The following TBC1D15 variants were observed in gnomAD, a reference collection of about 807,000 sequenced individuals.
TBC1D15 encodes the protein TBC1 domain family member 15, also known as GAP for RAB7.
Under a neutral mutation model 95.4 loss-of-function variants are expected in TBC1D15, and 39 were observed. The ratio of observed to expected loss-of-function variants is 0.41; its 90% CI spans 0.32 to 0.53. TBC1D15 has a LOEUF of 0.53. Ranked by LOEUF, TBC1D15 falls within the 20% of genes least tolerant of loss-of-function variation. The probability of loss-of-function intolerance (pLI) is 0.29; values close to 1 mark genes in which losing one functional copy is unlikely to be tolerated. For missense variants in TBC1D15, 733 were observed against 794.3 expected, an observed-to-expected ratio of 0.92 and a Z score of 0.93; for synonymous variants, 258 against 261.3, an observed-to-expected ratio of 0.99 and a Z score of 0.12.
At chr12:71,860,938 C>CT (rs1203794341) in intron 1 of TBC1D15, among the ~76,000 whole-genome samples, 1 of 152,036 alleles carries the variant, frequency 6.6e-6, no homozygotes, top group Non-Finnish European at 1.5e-5. Flanking sequence ...TTATAAAATG[C>CT]TTTTTTTCCT....
intron 1 of TBC1D15, among the ~76,000 whole-genome samples, chr12:71,853,532 T>C (rs1341510776): frequency 1.3e-5 from 2 of 152,206 alleles, no homozygotes; most frequent in Non-Finnish European, 2.9e-5. Flanking sequence ...TCACTACTAT[T>C]TGTGTTGTTT....
chr12:71,845,766 A>G (rs79888070), intron 1 of TBC1D15, among the ~76,000 whole-genome samples: 2,267 of 152,310 alleles, frequency 0.015, 58 homozygotes, highest in African/African-American at 0.052. Context: ...CATGTTGTGT[A>G]TGATAGGTGA....
At chr12:71,849,174 A>C (rs575276954) in intron 1 of TBC1D15, 121 of 282,836 alleles carry the variant, frequency 4.3e-4, no homozygotes, top group African/African-American at 1.7e-3. Flanking sequence ...AAAAAAAAAA[A>C]AAAACAAAAA....
intron 1 of TBC1D15, among the ~76,000 whole-genome samples, chr12:71,864,301 C>T (rs1440064541): frequency 1.3e-5 from 2 of 152,040 alleles, no homozygotes; most frequent in African/African-American, 2.4e-5. Context: ...ATCTCTTGAC[C>T]TCATGATCTG....
At chr12:71,870,874 A>G (rs1442316759) in intron 1 of TBC1D15, among the ~76,000 whole-genome samples, 1 of 152,176 alleles carries the variant, frequency 6.6e-6, no homozygotes, top group Non-Finnish European at 1.5e-5. Flanking sequence ...ATACATACCT[A>G]TTTACATTTA....
chr12:71,895,924 T>C (rs1404288601), intron 7 of TBC1D15, 23 bp from the exon 8 acceptor site: 4 of 1,607,332 alleles, frequency 2.5e-6, no homozygotes, highest in Non-Finnish European at 8.5e-7. Flanking sequence ...TATGTACTTA[T>C]TATTGCTTAA....
At chr12:71,909,632 A>C (rs1458894745) in intron 11 of TBC1D15, among the ~76,000 whole-genome samples, 1 of 152,180 alleles carries the variant, frequency 6.6e-6, no homozygotes, top group Non-Finnish European at 1.5e-5. Flanking sequence ...TCTAAAGGAT[A>C]AGCTTCAGTA....
chr12:71,902,355 G>C (rs1489822432), intron 10 of TBC1D15, among the ~76,000 whole-genome samples: 2 of 152,258 alleles, frequency 1.3e-5, no homozygotes, highest in Middle Eastern at 3.4e-3. Context: ...AACTAAAACA[G>C]CATAGTCCTG....
At position 71,920,891 on chromosome 12, in the gene TBC1D15, AT is replaced by A. The variant is rs1869028481; in HGVS notation, c.1716+47del. 5.7e-6 allele frequency: 8 copies of A among 1,406,220 alleles called. No homozygotes were observed. The East Asian group carries it at 1.8e-4, about 32-fold the overall frequency. The allele number at this position is 1,406,220 out of a possible 1,614,324, so 87.1% of individuals were successfully genotyped here. ...CAGATTTTAGTGTTCTGGCTTTTCTATTTGGTGGTCCTGATATACAGAACGT... is the reference window on the plus strand; with the variant it reads ...CAGATTTTAGTGTTCTGGCTTTTCTATTGGTGGTCCTGATATACAGAACGT... On this transcript the variant is annotated intron_variant, in intron 15 of 16. Coordinates refer to ENST00000485960, the MANE Select transcript of TBC1D15 (RefSeq NM_001146213.3).
chr12:71,878,411 C>CAGAG (rs148681015), intron 3 of TBC1D15, among the ~76,000 whole-genome samples: 16 of 148,742 alleles, frequency 1.1e-4, no homozygotes, highest in African/African-American at 3.2e-4. Flanking sequence ...AAGTAGAAGT[C>CAGAG]AGAGAGAGAG....
intron 1 of TBC1D15, among the ~76,000 whole-genome samples, chr12:71,865,317 A>C (rs1329695824): frequency 6.6e-6 from 1 of 152,082 alleles, no homozygotes; most frequent in African/African-American, 2.4e-5. Flanking sequence ...GATTCTCTTA[A>C]CTGGAGGGCA....
rs375369151 is a variant in TBC1D15 at position 71,872,970 on chromosome 12, A to G, written c.171A>G (p.Ala57=). ...VIVDWRPLDD[A]LDSSSILYAR... ...TGGACTGGAGACCATTGGATGATGC[A>G]TTAGATTCCTCTAGTATTCTCTATG... The change falls in exon 3 of 17, where the codon GCA becomes GCG. Residue 57 remains alanine, a synonymous_variant. Coordinates refer to ENST00000485960, the MANE Select transcript of TBC1D15 (RefSeq NM_001146213.3). 5.5e-5 allele frequency: 89 copies of G among 1,610,144 alleles called. No homozygotes were observed. Among genetic ancestry groups the G allele is most frequent in the Non-Finnish European group, 6.4e-5 (75 of 1,178,644 alleles).
rs1187292059 is a variant in TBC1D15 at position 71,923,845 on chromosome 12, G to A, written c.*641G>A. ...AGATTATATATAAGTACTTATTTAT[G>A]AGTATAAGAAAGGTTAGGCATATTT... is the stretch of plus-strand genomic sequence containing the variant. On this transcript the variant is annotated 3_prime_UTR_variant, in exon 17 of 17. Coordinates refer to ENST00000485960, the MANE Select transcript of TBC1D15 (RefSeq NM_001146213.3). 1 of 152,420 alleles carries A rather than the reference G, an allele frequency of 6.6e-6. No individual in the cohort carries two copies. The highest frequency in any genetic ancestry group is 2.4e-5 in the African/African-American group (1 of 41,380). The allele number at this position is 152,420 out of a possible 1,614,324, so 9.4% of individuals were successfully genotyped here.
At chr12:71,897,985 A>T in intron 10 of TBC1D15, 44 bp downstream of exon 10, 1 of 1,409,432 alleles carries the variant, frequency 7.1e-7, no homozygotes, top group East Asian at 2.3e-5. Flanking sequence ...GGGGGATTAC[A>T]TTGAAATCTT....
chr12:71,849,712 C>T, intron 1 of TBC1D15: 1 of 546,150 alleles, frequency 1.8e-6, no homozygotes, highest in South Asian at 1.7e-5. Flanking sequence ...CTGCTCTTTT[C>T]AAAGACTCGG....
chr12:71,887,177 A>G (rs1896389079), intron 5 of TBC1D15, among the ~76,000 whole-genome samples: 1 of 152,132 alleles, frequency 6.6e-6, no homozygotes, highest in Non-Finnish European at 1.5e-5. Flanking sequence ...ATTAATCCCA[A>G]AGCAAACTAT....
rs1456749763 is a variant in TBC1D15 at position 71,896,712 on chromosome 12, A to C, written c.1020A>C (p.Lys340Asn). 1 of 1,613,054 alleles carries C rather than the reference A, an allele frequency of 6.2e-7. No individual in the cohort carries two copies. Among genetic ancestry groups the C allele is most frequent in the Admixed American group, 1.7e-5 (1 of 59,916 alleles). The change falls in exon 9 of 17, where the codon AAA (lysine) becomes AAC (asparagine). Residue 340 changes from lysine to asparagine, a missense_variant. Lys to Asn is a moderately conservative substitution (Grantham distance 94, BLOSUM62 0). Coordinates refer to ENST00000485960, the MANE Select transcript of TBC1D15 (RefSeq NM_001146213.3). ...ATGCATTGAGAAAGCAAGCATGGAA[A>C]TTTCTTCTGGGTTATTTTCCCTGGG... ...LSHALRKQAW[K>N]FLLGYFPWDS...
At chr12:71,850,860 G>A (rs117361800) in intron 1 of TBC1D15, among the ~76,000 whole-genome samples, 8,997 of 151,516 alleles carry the variant, frequency 0.059, 367 homozygotes, top group Non-Finnish European at 0.091. Context: ...TGTGGCGCGC[G>A]CCTATAGTCC....
intron 10 of TBC1D15, among the ~76,000 whole-genome samples, chr12:71,903,313 T>C (rs1899889264): frequency 6.6e-6 from 1 of 152,092 alleles, no homozygotes; most frequent in Non-Finnish European, 1.5e-5. Flanking sequence ...AAAACAACAA[T>C]GAGATACCAT....
Sources: gnomAD v4.1 joint callset for allele counts (sites outside exome capture counted in the v4.1 genomes callset) on GRCh38, gnomAD v4.1.1 for gene constraint, MANE v1.5 for transcripts, NCBI Gene and HGNC (gene_info 2026-07-23, HGNC 2026-07-21) for gene names.